The following PCDH9 variants were observed in gnomAD, a reference collection of about 807,000 sequenced individuals.
PCDH9 encodes the protein protocadherin-9.
In PCDH9, 24 loss-of-function variants were observed where a neutral mutation model predicts 70.6. The ratio of observed to expected loss-of-function variants is 0.34; its 90% CI spans 0.25 to 0.48. PCDH9 has a LOEUF of 0.48. Ranked by LOEUF, PCDH9 falls within the 20% of genes least tolerant of loss-of-function variation. The pLI is 0.99. For missense variants in PCDH9, 1,281 were observed against 1,503.6 expected (o/e 0.85, Z 2.45); for synonymous variants, 562 against 558.5 (o/e 1.01, Z -0.09).
At chr13:66,505,142 A>T (rs544291360) in intron 4 of PCDH9, among the ~76,000 whole-genome samples, 2 of 152,252 alleles carry the variant, frequency 1.3e-5, no homozygotes, top group East Asian at 3.9e-4. Context: ...CTTAGATATT[A>T]CTTATTCTTC....
At chr13:66,435,666 G>A (rs995584368) in intron 4 of PCDH9, among the ~76,000 whole-genome samples, 10 of 152,096 alleles carry the variant, frequency 6.6e-5, no homozygotes, top group African/African-American at 1.9e-4. Flanking sequence ...TAAGACAAAG[G>A]AGAAACTAGA....
At chr13:66,979,707 C>G (rs1370411621) in intron 2 of PCDH9, among the ~76,000 whole-genome samples, 1 of 152,108 alleles carries the variant, frequency 6.6e-6, no homozygotes, top group African/African-American at 2.4e-5. Context: ...ATCATATCCC[C>G]CCCTTACAAC....
chr13:66,794,012 T>C (rs1263807050), intron 3 of PCDH9, among the ~76,000 whole-genome samples: 2 of 152,184 alleles, frequency 1.3e-5, no homozygotes, highest in Admixed American at 6.5e-5. Context: ...TATATGTATA[T>C]GTGATTAACT....
chr13:66,628,010 T>A (rs140597003), intron 4 of PCDH9, among the ~76,000 whole-genome samples: 16 of 151,072 alleles, frequency 1.1e-4, no homozygotes, highest in African/African-American at 3.4e-4. Flanking sequence ...AAAAATATAT[T>A]TTTTTCTTTT....
Position 67,048,956 on chromosome 13 carries a change from A to T in PCDH9, c.3037-145351T>A, listed in dbSNP as rs559865065. ...ACAACACTGAAATACTACAGGGTTTATGGTGTTGCCATGTGCTGAAAGCCT... is the reference window on the plus strand; with the variant it reads ...ACAACACTGAAATACTACAGGGTTTTTGGTGTTGCCATGTGCTGAAAGCCT... On this transcript the variant is annotated intron_variant, in intron 2 of 4. Transcript: ENST00000377865. Among the ~76,000 whole-genome samples the T allele has an allele frequency of 7.2e-5, 11 of 152,366 alleles. No homozygotes were observed. The South Asian group carries it at 1.9e-3, about 26-fold the overall frequency.
chr13:67,101,969 C>T (rs2086444817), intron 2 of PCDH9, among the ~76,000 whole-genome samples: 1 of 152,146 alleles, frequency 6.6e-6, no homozygotes, highest in African/African-American at 2.4e-5. Flanking sequence ...ATACCAGTCC[C>T]ACTACCGAGT....
At chr13:67,104,355 T>G (rs570614592) in intron 2 of PCDH9, among the ~76,000 whole-genome samples, 13 of 152,284 alleles carry the variant, frequency 8.5e-5, no homozygotes, top group African/African-American at 3.1e-4. Flanking sequence ...ACGTGGAGCA[T>G]TGCCAGGTTA....
chr13:66,796,351 GAAC>G (rs2080240814), intron 3 of PCDH9, among the ~76,000 whole-genome samples: 1 of 152,104 alleles, frequency 6.6e-6, no homozygotes, highest in African/African-American at 2.4e-5. Flanking sequence ...GCCTACCATG[GAAC>G]AACATGTCAA....
chr13:66,699,196 G>T (rs2078604998), intron 3 of PCDH9, among the ~76,000 whole-genome samples: 1 of 152,064 alleles, frequency 6.6e-6, no homozygotes, highest in Non-Finnish European at 1.5e-5. Context: ...TTACAGGTGT[G>T]AGCCACTGCG....
At chr13:66,840,205 T>C (rs909836169) in intron 3 of PCDH9, among the ~76,000 whole-genome samples, 1 of 152,170 alleles carries the variant, frequency 6.6e-6, no homozygotes, top group African/African-American at 2.4e-5. Context: ...GAATACTGAA[T>C]ATATCCTCTA....
At chr13:66,504,197 C>T (rs577593897) in intron 4 of PCDH9, among the ~76,000 whole-genome samples, 14 of 152,340 alleles carry the variant, frequency 9.2e-5, no homozygotes, top group South Asian at 4.1e-4. Context: ...TGTCTAAAAA[C>T]GTCTACTGAA....
At chr13:67,059,886 T>G (rs1001982375) in intron 2 of PCDH9, among the ~76,000 whole-genome samples, 16 of 346 alleles carry the variant, frequency 0.046, no homozygotes, top group African/African-American at 0.13. Flanking sequence ...TTTTTTGTTG[T>G]TTTTTTTTTT....
chr13:66,883,809 C>T (rs994248139), intron 3 of PCDH9, among the ~76,000 whole-genome samples: 8 of 152,008 alleles, frequency 5.3e-5, no homozygotes, highest in African/African-American at 1.9e-4. Context: ...GAGAAGTGCT[C>T]ACTCTTCTCC....
At chr13:66,368,609 A>G (rs945997318) in intron 4 of PCDH9, among the ~76,000 whole-genome samples, 6 of 152,028 alleles carry the variant, frequency 3.9e-5, no homozygotes, top group Non-Finnish European at 5.9e-5. Context: ...GTATTTATAT[A>G]TACACATATA....
chr13:67,030,542 T>A (rs1469369998), intron 2 of PCDH9, among the ~76,000 whole-genome samples: 1 of 148,240 alleles, frequency 6.7e-6, no homozygotes, highest in African/African-American at 2.5e-5. Flanking sequence ...ATCATTCCAC[T>A]CTCTACCTTT....
chr13:66,817,282 A>G (rs2080624780), intron 3 of PCDH9, among the ~76,000 whole-genome samples: 1 of 152,102 alleles, frequency 6.6e-6, no homozygotes, highest in Non-Finnish European at 1.5e-5. Flanking sequence ...AATTTTATTA[A>G]CTCCTTTAAG....
chr13:66,900,301 A>G (rs779426407), intron 3 of PCDH9, among the ~76,000 whole-genome samples: 1 of 151,904 alleles, frequency 6.6e-6, no homozygotes, highest in Non-Finnish European at 1.5e-5. Context: ...TAATAATCAT[A>G]CCTACCTAAT....
chr13:66,593,565 A>C (rs993028169), intron 4 of PCDH9, among the ~76,000 whole-genome samples: 2 of 151,700 alleles, frequency 1.3e-5, no homozygotes, highest in East Asian at 1.9e-4. Flanking sequence ...AAAACATTAA[A>C]ATACCTCGTG....
At chr13:66,506,954 A>G (rs1168466858) in intron 4 of PCDH9, among the ~76,000 whole-genome samples, 6 of 152,254 alleles carry the variant, frequency 3.9e-5, no homozygotes, top group Admixed American at 3.9e-4. Context: ...GTAACAAATG[A>G]TGGACAAGTT....
Sources: gnomAD v4.1 joint callset for allele counts (sites outside exome capture counted in the v4.1 genomes callset) on GRCh38, gnomAD v4.1.1 for gene constraint, MANE v1.5 for transcripts, NCBI Gene and HGNC (gene_info 2026-07-23, HGNC 2026-07-21) for gene names.